Variants in NEK7 observed in about 807,000 individuals in gnomAD.
The protein encoded by NEK7 is NIMA related kinase 7, also known as serine/threonine-protein kinase Nek7.
A neutral mutation model predicts 44.6 loss-of-function variants in NEK7; 18 were observed. The observed-to-expected ratio is 0.40, with a 90% CI of 0.28 to 0.60. The LOEUF (loss-of-function observed/expected upper bound fraction) is 0.60. NEK7 is among the 20% of genes least tolerant of loss of function. The pLI is 0.38. For synonymous variants in NEK7, 130 were observed against 121.1 expected (o/e 1.07, Z -0.48); for missense variants, 256 against 366.5 (o/e 0.70, Z 2.46).
At chr1:198,300,713 A>AATTG (rs1285367041) in intron 9 of NEK7, among the ~76,000 whole-genome samples, 8 of 151,828 alleles carry the variant, frequency 5.3e-5, no homozygotes, top group South Asian at 2.1e-4. Context: ...AAGGCTTAGT[A>AATTG]ATTGATTGAT....
chr1:198,217,782 C>T (rs1429546298), intron 1 of NEK7, among the ~76,000 whole-genome samples: 1 of 146,748 alleles, frequency 6.8e-6, no homozygotes, highest in African/African-American at 2.5e-5. Context: ...CTGCTATACA[C>T]CAACAATGAA....
intron 2 of NEK7, among the ~76,000 whole-genome samples, chr1:198,235,648 T>G (rs1211149951): frequency 6.6e-6 from 1 of 152,202 alleles, no homozygotes; most frequent in East Asian, 1.9e-4. Context: ...GTATTTTGAT[T>G]TATGGTTATT....
chr1:198,253,497 G>C (rs1341374856), intron 3 of NEK7, among the ~76,000 whole-genome samples: 1 of 152,072 alleles, frequency 6.6e-6, no homozygotes, highest in Admixed American at 6.6e-5. Context: ...AATACTCACT[G>C]AAGTTCTACA....
At chr1:198,270,715 A>T (rs1653810259) in intron 5 of NEK7, among the ~76,000 whole-genome samples, 1 of 152,088 alleles carries the variant, frequency 6.6e-6, no homozygotes, top group Non-Finnish European at 1.5e-5. Context: ...CATACATAAG[A>T]TTAATTTTAC....
At position 198,279,073 on chromosome 1, in the gene NEK7, A is replaced by G; in HGVS notation, c.589+12A>G. On this transcript the variant is annotated intron_variant, in intron 7 of 9. Coordinates refer to ENST00000367385, the MANE Select transcript of NEK7 (RefSeq NM_133494.3). ...TGCACATTCTTTAGGTAAGAGACAC[A>G]ATATAATTTCATTCAGTTACTTTGT... The G allele has an allele frequency of 2.0e-6, 3 of 1,508,974 alleles. No individual in the cohort carries two copies. Among genetic ancestry groups the G allele is most frequent in the Non-Finnish European group, 1.8e-6 (2 of 1,085,188 alleles). The allele number at this position is 1,508,974 out of a possible 1,614,324, so 93.5% of individuals were successfully genotyped here. A position where few individuals can be genotyped will look rare whatever the true frequency, so the allele number is the denominator to read the frequency against.
At chr1:198,176,847 A>G (rs917213346) in intron 1 of NEK7, among the ~76,000 whole-genome samples, 3 of 152,132 alleles carry the variant, frequency 2.0e-5, no homozygotes, top group Admixed American at 2.0e-4. Flanking sequence ...GCCATTCACT[A>G]AGAAAGGAAA....
chr1:198,251,091 C>G (rs7528244), intron 2 of NEK7, among the ~76,000 whole-genome samples: 76,436 of 150,550 alleles, frequency 0.51, 22,537 homozygotes, highest in East Asian at 0.89. Flanking sequence ...TAGCATGAAG[C>G]GTTGTTGAAT....
At chr1:198,315,192 G>A (rs1240450959) in intron 9 of NEK7, among the ~76,000 whole-genome samples, 2 of 152,174 alleles carry the variant, frequency 1.3e-5, no homozygotes, top group African/African-American at 4.8e-5. Flanking sequence ...GGAGTGACCT[G>A]ATTTTCCAGG....
chr1:198,242,552 C>A (rs555545633), intron 2 of NEK7, among the ~76,000 whole-genome samples: 5 of 150,724 alleles, frequency 3.3e-5, no homozygotes, highest in Non-Finnish European at 7.4e-5. Flanking sequence ...AGCTCCACCT[C>A]CCGGGTTCAG....
At chr1:198,193,897 A>G (rs952166911) in intron 1 of NEK7, among the ~76,000 whole-genome samples, 1 of 152,232 alleles carries the variant, frequency 6.6e-6, no homozygotes, top group African/African-American at 2.4e-5. Flanking sequence ...ATTCCCCTGG[A>G]AAACTGGCAC....
chr1:198,218,705 TCAG>T (rs1665995537), intron 1 of NEK7, among the ~76,000 whole-genome samples: 1 of 142,980 alleles, frequency 7.0e-6, no homozygotes, highest in Non-Finnish European at 1.5e-5. Context: ...TACAAATAAA[TCAG>T]CAAGAAAAAA....
chr1:198,288,491 T>A (rs1157130289), intron 7 of NEK7, among the ~76,000 whole-genome samples: 2 of 152,208 alleles, frequency 1.3e-5, no homozygotes, highest in Non-Finnish European at 2.9e-5. Flanking sequence ...TTCAGTTGTA[T>A]TTCACAGTGG....
At chr1:198,168,238 T>C (rs1029199979) in intron 1 of NEK7, among the ~76,000 whole-genome samples, 1 of 152,108 alleles carries the variant, frequency 6.6e-6, no homozygotes, top group Non-Finnish European at 1.5e-5. Flanking sequence ...AGTTTAAGAG[T>C]TGAGTGCCTG....
intron 5 of NEK7, among the ~76,000 whole-genome samples, chr1:198,270,905 G>A (rs1025949633): frequency 1.3e-5 from 2 of 152,048 alleles, no homozygotes; most frequent in Non-Finnish European, 2.9e-5. Context: ...GGTGCCATCT[G>A]GGGCTGTGAG....
chr1:198,158,489 A>G (rs1663987594), intron 1 of NEK7, among the ~76,000 whole-genome samples: 1 of 152,218 alleles, frequency 6.6e-6, no homozygotes, highest in African/African-American at 2.4e-5. Flanking sequence ...TTAGAGAATT[A>G]AAGTACAGAG....
chr1:198,243,194 C>A (rs1033234483), intron 2 of NEK7, among the ~76,000 whole-genome samples: 1 of 152,112 alleles, frequency 6.6e-6, no homozygotes, highest in Non-Finnish European at 1.5e-5. Flanking sequence ...CTAAATTAAC[C>A]AACCTAAAAT....
chr1:198,193,857 A>G (rs1175764116), intron 1 of NEK7, among the ~76,000 whole-genome samples: 1 of 152,214 alleles, frequency 6.6e-6, no homozygotes, highest in Non-Finnish European at 1.5e-5. Flanking sequence ...ATGACAGCCA[A>G]TATCATATTG....
At chr1:198,297,692 A>T (rs1654752838) in intron 9 of NEK7, among the ~76,000 whole-genome samples, 1 of 152,200 alleles carries the variant, frequency 6.6e-6, no homozygotes, top group Admixed American at 6.5e-5. Context: ...AAAACTCGAA[A>T]CACGCATCTC....
At chr1:198,243,559 G>A (rs746702126) in intron 2 of NEK7, among the ~76,000 whole-genome samples, 1 of 152,002 alleles carries the variant, frequency 6.6e-6, no homozygotes, top group African/African-American at 2.4e-5. Flanking sequence ...AGTATTTTTG[G>A]TTACATCATT....
Sources: gnomAD v4.1 joint callset for allele counts (sites outside exome capture counted in the v4.1 genomes callset) on GRCh38, gnomAD v4.1.1 for gene constraint, MANE v1.5 for transcripts, NCBI Gene and HGNC (gene_info 2026-07-23, HGNC 2026-07-21) for gene names.